COL15A1: variants seen among roughly 807,000 people sequenced by gnomAD.
COL15A1 encodes the protein collagen type XV alpha 1 chain, also known as collagen alpha-1(XV) chain.
COL15A1 carries 111 observed loss-of-function variants against 165.9 expected under a neutral mutation model. The ratio of observed to expected loss-of-function variants is 0.67; its 90% CI spans 0.57 to 0.78. The LOEUF (loss-of-function observed/expected upper bound fraction) is 0.78. COL15A1 is among the 30% of genes least tolerant of loss of function. The pLI, the probability that COL15A1 is intolerant of heterozygous loss-of-function variation, is 0.00. For missense variants in COL15A1, 1,745 were observed against 1,789.7 expected (o/e 0.98, Z 0.45); for synonymous variants, 659 against 674.8 (o/e 0.98, Z 0.36).
At chr9:99,054,116 G>A (rs1189187543) in intron 31 of COL15A1, among the ~76,000 whole-genome samples, 1 of 152,226 alleles carries the variant, frequency 6.6e-6, no homozygotes, top group African/African-American at 2.4e-5. Flanking sequence ...AGAAAACTTA[G>A]CGCCCTTGGT....
Position 99,068,594 on chromosome 9 carries a change from G to A in COL15A1, c.3877G>A (p.Gly1293Ser). 2 of 1,544,608 alleles carry A rather than the reference G, an allele frequency of 1.3e-6. No homozygotes were observed. The highest frequency in any genetic ancestry group is 2.5e-5 in the East Asian group (1 of 40,390). ...LFNNWDSIFSGHGGQFNMHIP... is the reference protein window; with the variant it reads ...LFNNWDSIFSSHGGQFNMHIP... Reference sequence around the variant, plus strand: ...TAATAATTGGGACTCAATTTTTTCTGGCCACGGAGGTCAGTTCAATATGCA... The same window carrying A: ...TAATAATTGGGACTCAATTTTTTCTAGCCACGGAGGTCAGTTCAATATGCA... The change falls in exon 41 of 42, where the codon GGC becomes AGC. Residue 1293 changes from glycine to serine, a missense_variant. Gly to Ser is a moderately conservative substitution (Grantham distance 56, BLOSUM62 0). Coordinates refer to ENST00000375001, the MANE Select transcript of COL15A1 (RefSeq NM_001855.5).
chr9:99,065,228 G>C (rs1457633053), intron 39 of COL15A1, among the ~76,000 whole-genome samples: 1 of 152,196 alleles, frequency 6.6e-6, no homozygotes, highest in East Asian at 1.9e-4. Context: ...GAGGTGGCAA[G>C]GAAGCCCTGC....
intron 26 of COL15A1, among the ~76,000 whole-genome samples, chr9:99,046,249 T>A (rs192488080): frequency 6.6e-5 from 10 of 152,332 alleles, no homozygotes; most frequent in Admixed American, 6.5e-4. Flanking sequence ...GTGGCCCTAG[T>A]GACCAGTGTA....
At position 99,025,883 on chromosome 9, in the gene COL15A1, AT is replaced by A. The variant is rs748664975; in HGVS notation, c.1981-19del. On this transcript the variant is annotated intron_variant, in intron 15 of 41. Transcript: ENST00000375001. ...TATTTAGCAGAAATGTTGTGGGTTG[AT>A]TGTCACTGATGTTCCCCAGGGCCCT... 7.4e-5 allele frequency: 120 copies of A among 1,610,844 alleles called. No individual in the cohort carries two copies. The highest frequency in any genetic ancestry group is 1.0e-4 in the Non-Finnish European group (118 of 1,178,744).
At chr9:99,038,588 T>C (rs1839346014) in intron 21 of COL15A1, 80 bp from the exon 22 acceptor site, 1 of 902,026 alleles carries the variant, frequency 1.1e-6, no homozygotes, top group African/African-American at 1.6e-5. Flanking sequence ...CTGGGTGACT[T>C]TAATTAAAGC....
At chr9:99,062,922 C>T (rs1825838751) in intron 38 of COL15A1, 128 bp from the exon 39 acceptor site, 1 of 1,109,088 alleles carries the variant, frequency 9.0e-7, no homozygotes, top group Non-Finnish European at 1.2e-6. Flanking sequence ...TTAAGAGTCA[C>T]AGTTACAGAC....
chr9:99,000,904 G>A lies in COL15A1; in HGVS notation c.1018G>A (p.Asp340Asn), dbSNP rs757295405. The A allele has an allele frequency of 1.2e-6, 2 of 1,606,392 alleles. No individual in the cohort carries two copies. The highest frequency in any genetic ancestry group is 8.5e-7 in the Non-Finnish European group (1 of 1,173,050). ...TTCTGTGGATGGTGACCCCATTACTGACAGCGGCTCAGGGGCTGGGGCCTT... is the reference window on the plus strand; with the variant it reads ...TTCTGTGGATGGTGACCCCATTACTAACAGCGGCTCAGGGGCTGGGGCCTT... ...VHSVDGDPIT[D>N]SGSGAGAFLD... Residue 340 changes from aspartate to asparagine, a missense_variant, in exon 7 of 42, where the codon GAC becomes AAC. Asp to Asn is a conservative substitution (Grantham distance 23, BLOSUM62 1). Transcript: ENST00000375001.
intron 15 of COL15A1, among the ~76,000 whole-genome samples, chr9:99,025,202 C>T (rs1014578049): frequency 7.2e-5 from 11 of 152,226 alleles, no homozygotes; most frequent in South Asian, 2.1e-4. Context: ...CATCATCCTA[C>T]GTATTGTTTT....
At chr9:99,023,095 T>G (rs1321177498) in intron 13 of COL15A1, among the ~76,000 whole-genome samples, 3 of 151,962 alleles carry the variant, frequency 2.0e-5, no homozygotes, top group Admixed American at 6.6e-5. Flanking sequence ...ACTGCGGAAC[T>G]GGGCCTTGAA....
chr9:98,996,841 T>C, intron 5 of COL15A1, 93 bp from the exon 6 acceptor site: 1 of 1,544,748 alleles, frequency 6.5e-7, no homozygotes, highest in Non-Finnish European at 8.8e-7. Flanking sequence ...CAGCATCTTG[T>C]GGATATATTA....
At chr9:99,068,771 C>A (rs990322897) in intron 41 of COL15A1, 101 bp downstream of exon 41, 2 of 718,360 alleles carry the variant, frequency 2.8e-6, no homozygotes, top group Middle Eastern at 2.4e-4. Flanking sequence ...AGGATATTGC[C>A]AACATAAAGC....
At chr9:98,951,314 G>T (rs113936374) in intron 2 of COL15A1, among the ~76,000 whole-genome samples, 29 of 152,298 alleles carry the variant, frequency 1.9e-4, no homozygotes, top group African/African-American at 7.0e-4. Context: ...GAACAGAACT[G>T]GTTGGACAGT....
At chr9:98,994,269 T>G (rs1168373290) in intron 5 of COL15A1, among the ~76,000 whole-genome samples, 1 of 152,018 alleles carries the variant, frequency 6.6e-6, no homozygotes, top group Non-Finnish European at 1.5e-5. Context: ...GCTCTGCAGG[T>G]GATTCTGGTC....
At chr9:99,053,906 A>G (rs1448204457) in intron 31 of COL15A1, among the ~76,000 whole-genome samples, 1 of 152,064 alleles carries the variant, frequency 6.6e-6, no homozygotes, top group Non-Finnish European at 1.5e-5. Context: ...CGTCCACCCT[A>G]CCCATCAAGG....
intron 11 of COL15A1, among the ~76,000 whole-genome samples, chr9:99,017,406 A>T (rs1342943576): frequency 6.6e-6 from 1 of 152,140 alleles, no homozygotes; most frequent in Non-Finnish European, 1.5e-5. Flanking sequence ...TGGTGGGAAG[A>T]TCCTGGACTG....
chr9:98,985,206 G>A (rs1344232805), intron 2 of COL15A1, among the ~76,000 whole-genome samples: 1 of 152,012 alleles, frequency 6.6e-6, no homozygotes, highest in African/African-American at 2.4e-5. Flanking sequence ...ACTATTAGTG[G>A]GTTATAAAAT....
chr9:99,002,418 G>A (rs946642143), intron 7 of COL15A1, among the ~76,000 whole-genome samples: 3 of 152,150 alleles, frequency 2.0e-5, no homozygotes, highest in Admixed American at 6.6e-5. Context: ...GAGAAGAACC[G>A]CAGTACACTG....
At position 99,068,733 on chromosome 9, in the gene COL15A1, A is replaced by G. The variant is rs563637781; in HGVS notation, c.3953+63A>G. On this transcript the variant is annotated intron_variant, in intron 41 of 41. Coordinates refer to ENST00000375001, the MANE Select transcript of COL15A1 (RefSeq NM_001855.5). ...GATAGTTTTAGGGGGCATCCTAACAATGGGATGCCTTTATCAGCTGCTTCT... is the reference window on the plus strand; with the variant it reads ...GATAGTTTTAGGGGGCATCCTAACAGTGGGATGCCTTTATCAGCTGCTTCT... The G allele has an allele frequency of 8.5e-6, 8 of 938,686 alleles. No homozygotes were observed. The Admixed American group carries it at 2.2e-4, about 26-fold the overall frequency. 58.1% of individuals were successfully genotyped at this position (938,686 alleles called of 1,614,324 possible). A position where few individuals can be genotyped will look rare whatever the true frequency, so the allele number is the denominator to read the frequency against.
chr9:98,974,671 A>C (rs1233163403), intron 2 of COL15A1, among the ~76,000 whole-genome samples: 2 of 152,096 alleles, frequency 1.3e-5, no homozygotes, highest in East Asian at 3.9e-4. Flanking sequence ...CTTACCCTAC[A>C]TACCCTCATC....
Sources: allele counts gnomAD v4.1 joint callset (sites outside exome capture counted in the v4.1 genomes callset), GRCh38; gene constraint gnomAD v4.1.1; transcripts MANE v1.5; gene names NCBI Gene and HGNC (gene_info 2026-07-23, HGNC 2026-07-21).